Variants in IQGAP2 observed in about 807,000 individuals in gnomAD.
IQGAP2 encodes the protein ras GTPase-activating-like protein IQGAP2.
IQGAP2 carries 173 observed loss-of-function variants against 201.3 expected under a neutral mutation model. The ratio of observed to expected loss-of-function variants is 0.86; its 90% CI spans 0.76 to 0.98. IQGAP2 has a LOEUF of 0.98. Ranked by LOEUF, IQGAP2 falls within the 50% of genes least tolerant of loss-of-function variation. The pLI, the probability that IQGAP2 is intolerant of heterozygous loss-of-function variation, is 0.00. For synonymous variants in IQGAP2, 675 were observed against 673.9 expected (o/e 1.00, Z -0.03); for missense variants, 1,687 against 1,864.8 (o/e 0.90, Z 1.76).
intron 8 of IQGAP2, among the ~76,000 whole-genome samples, chr5:76,592,120 T>C (rs1746703806): frequency 6.6e-6 from 1 of 152,178 alleles, no homozygotes; most frequent in Non-Finnish European, 1.5e-5. Context: ...TCTAAGCCAA[T>C]CCCTCTTAAA....
At chr5:76,682,497 G>T (rs1745390658) in intron 28 of IQGAP2, among the ~76,000 whole-genome samples, 1 of 151,460 alleles carries the variant, frequency 6.6e-6, no homozygotes, top group African/African-American at 2.4e-5. Context: ...GTCTTTCATG[G>T]TTTCCCCCGA....
intron 3 of IQGAP2, among the ~76,000 whole-genome samples, chr5:76,564,154 C>T (rs530744554): frequency 2.0e-4 from 31 of 152,198 alleles, no homozygotes; most frequent in African/African-American, 6.5e-4. Flanking sequence ...ATCATTTAGC[C>T]GGCTAAAATT....
rs4704312 is a variant in IQGAP2, at chr5:76,428,363, T to C, written c.46+24772T>C. ...GTGAAGTGAGTAAAATGTTTAAATC[T>C]GGTAATGCAAAGGAAGATGGGGAGC... On this transcript the variant is annotated intron_variant, in intron 1 of 35. Coordinates refer to ENST00000274364, the MANE Select transcript of IQGAP2 (RefSeq NM_006633.5). 3.9e-3 allele frequency among the ~76,000 whole-genome samples: 590 copies of C among 151,850 alleles called. 12 individuals are homozygous for C. Among genetic ancestry groups the C allele is most frequent in the Admixed American group, 0.033 (510 of 15,234 alleles).
intron 2 of IQGAP2, among the ~76,000 whole-genome samples, chr5:76,512,871 A>C (rs946356274): frequency 2.0e-5 from 3 of 152,196 alleles, no homozygotes; most frequent in Admixed American, 6.5e-5. Context: ...CCTGGCCAAC[A>C]TGGCAAAACC....
At chr5:76,651,697 C>G (rs1207847709) in intron 17 of IQGAP2, among the ~76,000 whole-genome samples, 1 of 151,904 alleles carries the variant, frequency 6.6e-6, no homozygotes, top group Admixed American at 6.6e-5. Context: ...AATCTTTTGT[C>G]CTTCCTGTGA....
At chr5:76,417,647 C>A (rs1751487223) in intron 1 of IQGAP2, among the ~76,000 whole-genome samples, 1 of 152,070 alleles carries the variant, frequency 6.6e-6, no homozygotes, top group African/African-American at 2.4e-5. Context: ...GTGGTGCGAT[C>A]TTGGCTCACT....
chr5:76,489,703 G>T (rs939911457), intron 2 of IQGAP2, among the ~76,000 whole-genome samples: 1 of 152,322 alleles, frequency 6.6e-6, no homozygotes, highest in Non-Finnish European at 1.5e-5. Context: ...CTGACCTCAC[G>T]TGATCCATCC....
intron 4 of IQGAP2, 76 bp from the exon 5 acceptor site, chr5:76,575,617 A>G: frequency 1.2e-6 from 1 of 811,456 alleles, no homozygotes; most frequent in Non-Finnish European, 2.0e-6. Context: ...GACAATCAAA[A>G]TAGGGTCATT....
At chr5:76,520,640 A>C (rs1203169338) in intron 2 of IQGAP2, among the ~76,000 whole-genome samples, 1 of 150,794 alleles carries the variant, frequency 6.6e-6, no homozygotes, top group Non-Finnish European at 1.5e-5. Flanking sequence ...TCTATAGATC[A>C]CTTTGAGAAG....
intron 22 of IQGAP2, among the ~76,000 whole-genome samples, chr5:76,667,747 C>T (rs1163062330): frequency 1.3e-5 from 2 of 152,148 alleles, no homozygotes; most frequent in Non-Finnish European, 2.9e-5. Flanking sequence ...ACATTGTGGC[C>T]ATTTTGCTGT....
intron 13 of IQGAP2, chr5:76,624,380 A>C (rs1750027638): frequency 6.6e-6 from 1 of 152,222 alleles, no homozygotes; most frequent in Admixed American, 6.5e-5. Context: ...CAGAAAATAC[A>C]AATTTCACAT....
In IQGAP2 at chr5:76,549,320, A is replaced by AGTGTGTGTGT. The variant is rs35060845; in HGVS notation, c.147-13058_147-13049dup. Among the ~76,000 whole-genome samples the AGTGTGTGTGT allele has an allele frequency of 4.6e-3, 684 of 147,828 alleles. 5 individuals carry two copies. Among genetic ancestry groups the AGTGTGTGTGT allele is most frequent in the East Asian group, 0.017 (85 of 5,006 alleles). ...TTCAGTCTCAGGCGTCGAGCTCTGGAGTGTGTGTGTGTGTGTGTGTGTGTG... is the reference window on the plus strand; with the variant it reads ...TTCAGTCTCAGGCGTCGAGCTCTGGAGTGTGTGTGTGTGTGTGTGTGTGTGTGTGTGTGTG... On this transcript the variant is annotated intron_variant, in intron 2 of 35. Transcript: ENST00000274364.
At chr5:76,495,999 T>C (rs1459505454) in intron 2 of IQGAP2, among the ~76,000 whole-genome samples, 1 of 152,176 alleles carries the variant, frequency 6.6e-6, no homozygotes, top group African/African-American at 2.4e-5. Context: ...GGTAAGTGTA[T>C]ACAAAGCTCT....
At position 76,631,923 on chromosome 5, in the gene IQGAP2, T is replaced by C; in HGVS notation, c.1677T>C (p.Ser559=). 3.1e-6 allele frequency: 5 copies of C among 1,610,768 alleles called. No individual in the cohort carries two copies. The highest frequency in any genetic ancestry group is 4.2e-6 in the Non-Finnish European group (5 of 1,178,122). The change falls in exon 15 of 36, where the codon TCT becomes TCC. Residue 559 remains serine, a synonymous_variant. Transcript: ENST00000274364. ...LEGKKSSDIL[S]VLKSSTSNAN... is the part of the protein sequence containing the mutation. ...GAAAAAAATCAAGTGATATTTTGTC[T>C]GTATTGAAGTCTTCCACTTCTAATG... is the stretch of plus-strand genomic sequence containing the variant.
chr5:76,513,690 G>T (rs1758128291), intron 2 of IQGAP2, among the ~76,000 whole-genome samples: 2 of 152,172 alleles, frequency 1.3e-5, no homozygotes, highest in African/African-American at 2.4e-5. Flanking sequence ...AGGATCAGTG[G>T]TTGCCAAGGG....
At chr5:76,443,604 G>A in intron 1 of IQGAP2, among the ~76,000 whole-genome samples, 1 of 151,890 alleles carries the variant, frequency 6.6e-6, no homozygotes, top group East Asian at 1.9e-4. Context: ...AGCTCTCTGA[G>A]CTGTTTTCTT....
At chr5:76,487,116 T>G (rs1483909624) in intron 2 of IQGAP2, among the ~76,000 whole-genome samples, 1 of 142,324 alleles carries the variant, frequency 7.0e-6, no homozygotes, top group African/African-American at 2.5e-5. Flanking sequence ...TTTTTTTTTT[T>G]GAGATGGAGG....
Position 76,654,938 on chromosome 5 carries a change from A to C in IQGAP2, c.2255A>C (p.Asn752Thr). 6.2e-7 allele frequency: 1 copy of C among 1,609,070 alleles called. No homozygotes were observed. The change falls in exon 20 of 36, where the codon AAT becomes ACT. Residue 752 changes from asparagine to threonine, a missense_variant. By Grantham distance (65) the Asn-to-Thr change is moderately conservative. Transcript: ENST00000274364. ...ACTTGTCTTAATCTTTTGCAGAATA[A>C]TGAAATTGTGAAAATACAGTCACTG... ...SRLQYFRDHN[N>T]EIVKIQSLLR...
intron 2 of IQGAP2, among the ~76,000 whole-genome samples, chr5:76,529,869 T>C (rs553476184): frequency 1.3e-5 from 2 of 152,094 alleles, no homozygotes; most frequent in Non-Finnish European, 2.9e-5. Context: ...TTGAAGTGAC[T>C]TGAGCCCAGG....
Sources: gnomAD v4.1 joint callset for allele counts (sites outside exome capture counted in the v4.1 genomes callset) on GRCh38, gnomAD v4.1.1 for gene constraint, MANE v1.5 for transcripts, NCBI Gene and HGNC (gene_info 2026-07-23, HGNC 2026-07-21) for gene names.